Variants in DLG2 observed in about 807,000 individuals in gnomAD.
DLG2 encodes discs large MAGUK scaffold protein 2, also known as disks large homolog 2.
In DLG2, 45 loss-of-function variants were observed where a neutral mutation model predicts 132.5. That is an observed-to-expected ratio of 0.34 (90% CI 0.27 to 0.44). DLG2 has a LOEUF of 0.44. Among genes scored for constraint, DLG2 ranks in the 20% least tolerant of loss-of-function variants. DLG2 has a pLI of 1.00. For missense variants in DLG2, 1,045 were observed against 1,196.9 expected (o/e 0.87, Z 1.87); for synonymous variants, 424 against 419.6 (o/e 1.01, Z -0.13).
chr11:84,223,364 A>G (rs1454443195), intron 8 of DLG2, among the ~76,000 whole-genome samples: 1 of 152,124 alleles, frequency 6.6e-6, no homozygotes, highest in Non-Finnish European at 1.5e-5. Flanking sequence ...AAAAAAATTA[A>G]CTGCTGGTAA....
At chr11:84,329,044 T>C (rs920379326) in intron 7 of DLG2, among the ~76,000 whole-genome samples, 24 of 152,198 alleles carry the variant, frequency 1.6e-4, no homozygotes, top group African/African-American at 5.5e-4. Flanking sequence ...AGTGATTAAA[T>C]TGAGATGTAC....
intron 7 of DLG2, among the ~76,000 whole-genome samples, chr11:84,519,685 T>G (rs2099288454): frequency 6.6e-6 from 1 of 152,130 alleles, no homozygotes; most frequent in Non-Finnish European, 1.5e-5. Flanking sequence ...CCTCCTCCTA[T>G]TTTTTCCAAA....
chr11:83,618,496 T>C (rs1488533470), intron 19 of DLG2, among the ~76,000 whole-genome samples: 2 of 152,180 alleles, frequency 1.3e-5, no homozygotes, highest in Non-Finnish European at 2.9e-5. Context: ...ACGTTATTCC[T>C]CATAAACTTT....
intron 6 of DLG2, among the ~76,000 whole-genome samples, chr11:85,018,983 A>T (rs1452627377): frequency 6.6e-6 from 1 of 152,200 alleles, no homozygotes; most frequent in Non-Finnish European, 1.5e-5. Context: ...ATACATTGTA[A>T]CATTTGTGTT....
At chr11:83,786,533 G>C (rs942203141) in intron 18 of DLG2, 157 bp downstream of exon 18, 2 of 603,836 alleles carry the variant, frequency 3.3e-6, no homozygotes, top group African/African-American at 3.7e-5. Flanking sequence ...CAAAGCCACG[G>C]TTCACGTTCT....
At chr11:84,587,884 G>A (rs181928833) in intron 6 of DLG2, among the ~76,000 whole-genome samples, 1 of 152,260 alleles carries the variant, frequency 6.6e-6, no homozygotes, top group African/African-American at 2.4e-5. Flanking sequence ...TTTCTCAGGA[G>A]CCCCACTACT....
At chr11:85,323,929 A>C (rs906136499) in intron 3 of DLG2, among the ~76,000 whole-genome samples, 1 of 152,198 alleles carries the variant, frequency 6.6e-6, no homozygotes, top group African/African-American at 2.4e-5. Context: ...AATTCACCAC[A>C]GGTGGCTCAG....
At chr11:83,798,852 G>T (rs995348645) in intron 17 of DLG2, among the ~76,000 whole-genome samples, 38 of 152,146 alleles carry the variant, frequency 2.5e-4, no homozygotes, top group African/African-American at 9.2e-4. Flanking sequence ...CATTTTTCCT[G>T]AAGTGATGAG....
At chr11:83,867,502 T>C (rs2062618990) in intron 16 of DLG2, among the ~76,000 whole-genome samples, 2 of 152,294 alleles carry the variant, frequency 1.3e-5, no homozygotes, top group East Asian at 3.9e-4. Context: ...TTTATGTTTA[T>C]TTTTCTTCAT....
chr11:84,166,299 C>G (rs529538802), intron 8 of DLG2, among the ~76,000 whole-genome samples: 1 of 151,890 alleles, frequency 6.6e-6, no homozygotes, highest in Non-Finnish European at 1.5e-5. Context: ...GTCAGGAGAT[C>G]GATAACATCC....
chr11:84,011,490 T>TAAA lies in DLG2; in HGVS notation c.920-30849_920-30848insTTT, dbSNP rs1317488375. Among the ~76,000 whole-genome samples the TAAA allele has an allele frequency of 7.6e-3, 1,145 of 150,366 alleles. 18 individuals carry two copies. Among genetic ancestry groups the TAAA allele is most frequent in the African/African-American group, 0.025 (1,023 of 41,026 alleles). On this transcript the variant is annotated intron_variant, in intron 11 of 27. Coordinates refer to ENST00000376104, the MANE Select transcript of DLG2 (RefSeq NM_001142699.3). ...CATCTCTAATAAATAAATAAATAAA[T>TAAA]TAATTAATTAATTAATAACAAGAAA... is the stretch of plus-strand genomic sequence containing the variant.
At chr11:84,526,234 A>G (rs1342184927) in intron 7 of DLG2, among the ~76,000 whole-genome samples, 2 of 152,200 alleles carry the variant, frequency 1.3e-5, no homozygotes, top group East Asian at 3.8e-4. Context: ...TCAATAAGTT[A>G]ATGGATTTAA....
chr11:84,160,497 T>A (rs2085032), intron 9 of DLG2, among the ~76,000 whole-genome samples: 130,837 of 151,614 alleles, frequency 0.86, 56,727 homozygotes, highest in Middle Eastern at 0.94. Flanking sequence ...GGTTAAAATT[T>A]AAAAAATGAG....
intron 10 of DLG2, among the ~76,000 whole-genome samples, chr11:84,098,192 C>T (rs887478817): frequency 6.6e-6 from 1 of 152,104 alleles, no homozygotes; most frequent in Non-Finnish European, 1.5e-5. Flanking sequence ...GTACCCACCA[C>T]CATGCCCAGC....
At chr11:85,500,585 CA>C (rs2093778625) in intron 3 of DLG2, among the ~76,000 whole-genome samples, 2 of 126,632 alleles carry the variant, frequency 1.6e-5, no homozygotes, top group Non-Finnish European at 3.6e-5. Context: ...AATAAAGTTA[CA>C]AAATCAAAGT....
intron 3 of DLG2, among the ~76,000 whole-genome samples, chr11:85,410,034 C>A (rs1411251065): frequency 6.6e-6 from 1 of 151,800 alleles, no homozygotes; most frequent in Non-Finnish European, 1.5e-5. Flanking sequence ...TACGGAATGG[C>A]ATAGCATACT....
At position 85,176,682 on chromosome 11, in the gene DLG2, C is replaced by T. The variant is rs188550789; in HGVS notation, c.187-22031G>A. ...ATCATCAGAGTGAACAGACAACCTA[C>T]AAATGGGAGAAAATTTTTGCAAACT... On this transcript the variant is annotated intron_variant, in intron 4 of 27. Transcript: ENST00000376104. Among the ~76,000 whole-genome samples the T allele has an allele frequency of 2.5e-3, 385 of 152,204 alleles. 3 individuals are homozygous for T. Among genetic ancestry groups the T allele is most frequent in the African/African-American group, 8.6e-3 (357 of 41,546 alleles).
chr11:85,500,888 T>A (rs1176310579), intron 3 of DLG2, among the ~76,000 whole-genome samples: 1 of 152,344 alleles, frequency 6.6e-6, no homozygotes, highest in Non-Finnish European at 1.5e-5. Flanking sequence ...AAGTTACCAC[T>A]GACTTTCTTC....
At chr11:83,807,099 T>C (rs1196469183) in intron 17 of DLG2, among the ~76,000 whole-genome samples, 1 of 152,094 alleles carries the variant, frequency 6.6e-6, no homozygotes, top group South Asian at 2.1e-4. Flanking sequence ...AACAGAATCA[T>C]TTCAAAACTC....
Sources: allele counts gnomAD v4.1 joint callset (sites outside exome capture counted in the v4.1 genomes callset), GRCh38; gene constraint gnomAD v4.1.1; transcripts MANE v1.5; gene names NCBI Gene and HGNC (gene_info 2026-07-23, HGNC 2026-07-21).